Variants in DDX47 observed in about 807,000 individuals in gnomAD.
DDX47 encodes the protein DEAD-box helicase 47.
A neutral mutation model predicts 58.8 loss-of-function variants in DDX47; 60 were observed. The ratio of observed to expected loss-of-function variants is 1.02; its 90% confidence interval spans 0.83 to 1.26. The LOEUF (loss-of-function observed/expected upper bound fraction) is 1.26. Among genes scored for constraint, DDX47 ranks in the 50% most tolerant of loss-of-function variants. DDX47 has a pLI of 0.00. For missense variants in DDX47, 530 were observed against 573.2 expected (o/e 0.92, Z 0.77); for synonymous variants, 197 against 204.6 (o/e 0.96, Z 0.32).
At chr12:12,826,104 G>A (rs1482746849) in intron 10 of DDX47, 34 bp downstream of exon 10, 9 of 1,584,696 alleles carry the variant, frequency 5.7e-6, no homozygotes, top group Non-Finnish European at 7.8e-6. Context: ...GAGCAATGTA[G>A]AGAAAAGAGC....
At position 12,829,659 on chromosome 12, in the gene DDX47, C is replaced by T. The variant is rs1244718202; in HGVS notation, c.*105C>T. On this transcript the variant is annotated 3_prime_UTR_variant, in exon 12 of 12. Coordinates refer to ENST00000358007, the MANE Select transcript of DDX47 (RefSeq NM_016355.4). ...GACTGAAATTGGTCAGAATTGTGTC[C>T]AGAATGTGCTCAGCTAATTCAGTAT... The T allele has an allele frequency of 1.4e-6, 2 of 1,395,284 alleles. No individual in the cohort carries two copies. Among genetic ancestry groups the T allele is most frequent in the African/African-American group, 2.9e-5 (2 of 68,908 alleles). 86.4% of individuals were successfully genotyped at this position (1,395,284 alleles called of 1,614,324 possible). A position where few individuals can be genotyped will look rare whatever the true frequency, so the allele number is the denominator to read the frequency against.
At chr12:12,821,487 A>G in intron 3 of DDX47, 91 bp downstream of exon 3, 1 of 1,515,200 alleles carries the variant, frequency 6.6e-7, no homozygotes, top group Non-Finnish European at 9.2e-7. Flanking sequence ...TATTGCTAGC[A>G]TAATTTATTG....
chr12:12,819,397 A>G (rs1292770519), intron 2 of DDX47, among the ~76,000 whole-genome samples: 1 of 150,324 alleles, frequency 6.7e-6, no homozygotes, highest in Non-Finnish European at 1.5e-5. Context: ...GCCAAGACCT[A>G]CTGAATCAGA....
intron 1 of DDX47, 118 bp downstream of exon 1, chr12:12,813,572 T>A: frequency 1.0e-6 from 1 of 961,714 alleles, no homozygotes. Context: ...CTAGCTTGGG[T>A]TTTCCCCAGA....
intron 11 of DDX47, among the ~76,000 whole-genome samples, chr12:12,828,559 T>G (rs1863088257): frequency 6.6e-6 from 1 of 152,226 alleles, no homozygotes; most frequent in South Asian, 2.1e-4. Context: ...AAGTGCTGCC[T>G]GCTTTCTGGA....
chr12:12,821,543 T>C (rs1027540645), intron 3 of DDX47, 112 bp from the exon 4 acceptor site: 30 of 1,421,760 alleles, frequency 2.1e-5, no homozygotes, highest in Middle Eastern at 1.8e-4. Flanking sequence ...AGAGTATTAA[T>C]TGTAAGGGAA....
intron 2 of DDX47, among the ~76,000 whole-genome samples, chr12:12,818,542 A>T (rs184535790): frequency 1.4e-3 from 209 of 152,032 alleles, no homozygotes; most frequent in Admixed American, 2.5e-3. Context: ...AATCAGTCCC[A>T]TTGTCTGGTT....
intron 8 of DDX47, 68 bp from the exon 9 acceptor site, chr12:12,824,472 G>A (rs1863021256): frequency 2.0e-6 from 3 of 1,530,046 alleles, no homozygotes; most frequent in East Asian, 2.3e-5. Flanking sequence ...TCTCGTGTTT[G>A]TCTATTTTGT....
At chr12:12,823,743 C>A in intron 7 of DDX47, 127 bp from the exon 8 acceptor site, 1 of 893,700 alleles carries the variant, frequency 1.1e-6, no homozygotes, top group Non-Finnish European at 1.7e-6. Flanking sequence ...GAATGCAAAG[C>A]TGGCAGCTGG....
chr12:12,816,039 G>A (rs796549240), intron 2 of DDX47, among the ~76,000 whole-genome samples: 1 of 152,248 alleles, frequency 6.6e-6, no homozygotes, highest in African/African-American at 2.4e-5. Flanking sequence ...AGTTAAGCAA[G>A]TGGAAGGCAA....
At chr12:12,824,341 C>A (rs1000265932) in intron 8 of DDX47, 199 bp from the exon 9 acceptor site, 123 of 584,388 alleles carry the variant, frequency 2.1e-4, no homozygotes, top group African/African-American at 2.0e-3. Context: ...GTCAAACTAC[C>A]CTTATTTTGT....
intron 6 of DDX47, 139 bp from the exon 7 acceptor site, chr12:12,823,064 A>T (rs1482302676): frequency 1.0e-5 from 7 of 678,840 alleles, no homozygotes; most frequent in Non-Finnish European, 1.8e-5. Context: ...GTGATCCAAT[A>T]ACCTCCCACC....
intron 11 of DDX47, among the ~76,000 whole-genome samples, chr12:12,827,768 A>T (rs1306065403): frequency 6.6e-6 from 1 of 152,018 alleles, no homozygotes; most frequent in African/African-American, 2.4e-5. Flanking sequence ...ATGGGGTTTT[A>T]TGAGCACCAG....
chr12:12,826,396 C>T, intron 10 of DDX47: 1 of 173,564 alleles, frequency 5.8e-6, no homozygotes, highest in Non-Finnish European at 1.2e-5. Flanking sequence ...TTTTTATGTA[C>T]CCAAGGCTGT....
chr12:12,814,400 T>TCTTAATAG lies in DDX47; in HGVS notation c.181+179_181+186dup, dbSNP rs1862865373. The TCTTAATAG allele has an allele frequency of 7.2e-6, 4 of 555,202 alleles. No individual in the cohort carries two copies. The South Asian group carries it at 8.0e-5, about 11-fold the overall frequency. The allele number at this position is 555,202 out of a possible 1,614,324, so 34.4% of individuals were successfully genotyped here. A position where few individuals can be genotyped will look rare whatever the true frequency, so the allele number is the denominator to read the frequency against. ...CCAATTTTACTGAGCTTACTTTCTG[T>TCTTAATAG]CTTAATAGCTGAAAGGGTTTGTTCT... On this transcript the variant is annotated intron_variant, in intron 2 of 11. Coordinates refer to ENST00000358007, the MANE Select transcript of DDX47 (RefSeq NM_016355.4).
intron 2 of DDX47, among the ~76,000 whole-genome samples, chr12:12,817,902 G>C (rs887762005): frequency 2.0e-5 from 3 of 152,150 alleles, no homozygotes; most frequent in Admixed American, 2.0e-4. Context: ...AGCGACTTCA[G>C]CTCCTTTACT....
chr12:12,824,008 A>T lies in DDX47; in HGVS notation c.889A>T (p.Met297Leu). The change falls in exon 8 of 12, where the codon ATG becomes TTG. Residue 297 changes from methionine to leucine, a missense_variant. By Grantham distance (15) the Met-to-Leu change is conservative (BLOSUM62 2). Coordinates refer to ENST00000358007, the MANE Select transcript of DDX47 (RefSeq NM_016355.4). ...CACTGCCATCCCCCTCCATGGACAA[A>T]TGAGTCAGGTAAGGATTCATCATCA... ...GFTAIPLHGQ[M>L]SQSKRLGSLN... is the part of the protein sequence containing the mutation. 2 of 1,613,638 alleles carry T rather than the reference A, an allele frequency of 1.2e-6. No individual in the cohort carries two copies. Among genetic ancestry groups the T allele is most frequent in the Non-Finnish European group, 1.7e-6 (2 of 1,179,814 alleles).
chr12:12,824,004 A>G lies in DDX47; in HGVS notation c.885A>G (p.Gly295=). ...GCTTCACTGCCATCCCCCTCCATGG[A>G]CAAATGAGTCAGGTAAGGATTCATC... ...NLGFTAIPLH[G]QMSQSKRLGS... is the part of the protein sequence containing the mutation. Residue 295 remains glycine (G), a synonymous_variant, in exon 8 of 12, where the codon GGA becomes GGG. Coordinates refer to ENST00000358007, the MANE Select transcript of DDX47 (RefSeq NM_016355.4). 1 of 1,613,824 alleles carries G rather than the reference A, an allele frequency of 6.2e-7. No homozygotes were observed. The highest frequency in any genetic ancestry group is 8.5e-7 in the Non-Finnish European group (1 of 1,179,894).
At chr12:12,821,483 T>C in intron 3 of DDX47, 87 bp downstream of exon 3, 5 of 1,520,220 alleles carry the variant, frequency 3.3e-6, no homozygotes, top group Non-Finnish European at 4.6e-6. Context: ...AAAGTATTGC[T>C]AGCATAATTT....
Sources: allele counts gnomAD v4.1 joint callset (sites outside exome capture counted in the v4.1 genomes callset), GRCh38; gene constraint gnomAD v4.1.1; transcripts MANE v1.5; gene names NCBI Gene and HGNC (gene_info 2026-07-23, HGNC 2026-07-21).